The following PCCA variants were observed in gnomAD, a reference collection of about 807,000 sequenced individuals.
The protein encoded by PCCA is propionyl-CoA carboxylase subunit alpha, also known as propionyl-CoA carboxylase alpha chain, mitochondrial.
PCCA carries 74 observed loss-of-function variants against 101.3 expected under a neutral mutation model. That is an observed-to-expected ratio of 0.73 (90% confidence interval 0.61 to 0.89). The LOEUF (loss-of-function observed/expected upper bound fraction) is 0.89. Ranked by LOEUF, PCCA falls within the 40% of genes least tolerant of loss-of-function variation. PCCA has a pLI of 0.00. For missense variants in PCCA, 891 were observed against 907.0 expected, an observed-to-expected ratio of 0.98 and a Z score of 0.23; for synonymous variants, 294 against 313.6, an observed-to-expected ratio of 0.94 and a Z score of 0.66.
intron 19 of PCCA, among the ~76,000 whole-genome samples, chr13:100,374,069 G>A (rs1003803892): frequency 2.0e-5 from 3 of 151,990 alleles, no homozygotes; most frequent in Non-Finnish European, 4.4e-5. Flanking sequence ...CTGAGATCAC[G>A]CCACTGCACT....
intron 19 of PCCA, among the ~76,000 whole-genome samples, chr13:100,372,590 C>T (rs1453503959): frequency 6.6e-6 from 1 of 152,182 alleles, no homozygotes; most frequent in African/African-American, 2.4e-5. Context: ...ATAAATGTTT[C>T]ATGCAAATAT....
intron 21 of PCCA, among the ~76,000 whole-genome samples, chr13:100,475,890 C>A (rs2083383685): frequency 6.6e-6 from 1 of 152,304 alleles, no homozygotes; most frequent in Middle Eastern, 3.4e-3. Context: ...ATTCTGCTTT[C>A]TTCCCTAGAA....
intron 14 of PCCA, among the ~76,000 whole-genome samples, chr13:100,306,181 T>C (rs1374067094): frequency 2.0e-5 from 3 of 152,232 alleles, no homozygotes; most frequent in Non-Finnish European, 4.4e-5. Context: ...TCTGCCTTGC[T>C]GCAGACAGAT....
chr13:100,138,982 C>T (rs543258618), intron 4 of PCCA, among the ~76,000 whole-genome samples: 10 of 150,172 alleles, frequency 6.7e-5, no homozygotes, highest in East Asian at 1.9e-4. Context: ...GTCTTTATTT[C>T]GCCTTCATTC....
intron 8 of PCCA, among the ~76,000 whole-genome samples, chr13:100,239,332 T>C (rs1045030805): frequency 1.3e-5 from 2 of 152,170 alleles, no homozygotes; most frequent in African/African-American, 4.8e-5. Flanking sequence ...GACTTTTTAT[T>C]ATACTGTGTC....
At chr13:100,439,685 A>G (rs2080200352) in intron 20 of PCCA, among the ~76,000 whole-genome samples, 1 of 151,814 alleles carries the variant, frequency 6.6e-6, no homozygotes, top group Non-Finnish European at 1.5e-5. Context: ...TTCATCGTGC[A>G]TAGTCACGTT....
chr13:100,498,680 C>T (rs1392014856), intron 21 of PCCA, among the ~76,000 whole-genome samples: 1 of 152,160 alleles, frequency 6.6e-6, no homozygotes, highest in Non-Finnish European at 1.5e-5. Context: ...CCCAGCAACC[C>T]CTAGCCTACT....
chr13:100,402,013 G>A (rs770109187), intron 19 of PCCA, among the ~76,000 whole-genome samples: 8 of 152,222 alleles, frequency 5.3e-5, no homozygotes, highest in East Asian at 1.9e-4. Flanking sequence ...GGGTGTATAC[G>A]TGTGCGTGGT....
At position 100,468,204 on chromosome 13, in the gene PCCA, G is replaced by A. The variant is rs140502365; in HGVS notation, c.1899+18899G>A. On this transcript the variant is annotated intron_variant, in intron 21 of 23. Transcript: ENST00000376285. Reference sequence around the variant, plus strand: ...AAACCATGCCCTAAACAGATGTGCTGTCATCCAGGCTTTGTTTTTGCGTCC... The same window carrying A: ...AAACCATGCCCTAAACAGATGTGCTATCATCCAGGCTTTGTTTTTGCGTCC... Among the ~76,000 whole-genome samples the A allele has an allele frequency of 4.6e-5, 7 of 152,318 alleles. No individual in the cohort carries two copies. In the East Asian group the frequency reaches 7.7e-4, roughly 17 times the overall value.
chr13:100,101,754 G>A (rs888248434), intron 1 of PCCA, among the ~76,000 whole-genome samples: 1 of 151,924 alleles, frequency 6.6e-6, no homozygotes, highest in East Asian at 1.9e-4. Context: ...GTGCCACCAT[G>A]CCCCGCTAAT....
chr13:100,469,072 G>A (rs938771952), intron 21 of PCCA, among the ~76,000 whole-genome samples: 4 of 151,786 alleles, frequency 2.6e-5, no homozygotes, highest in South Asian at 2.1e-4. Flanking sequence ...CTAGCCGGAC[G>A]TGGTGGCACA....
At chr13:100,089,576 C>A (rs1160560415) in intron 1 of PCCA, among the ~76,000 whole-genome samples, 1 of 152,224 alleles carries the variant, frequency 6.6e-6, no homozygotes, top group Non-Finnish European at 1.5e-5. Flanking sequence ...TTAAGCTTTC[C>A]AGGGTGTCTT....
chr13:100,251,732 A>G (rs952843034), intron 8 of PCCA, among the ~76,000 whole-genome samples: 2 of 152,232 alleles, frequency 1.3e-5, no homozygotes, highest in Non-Finnish European at 2.9e-5. Context: ...TTAAGTAATC[A>G]AGCTTTATCA....
intron 1 of PCCA, among the ~76,000 whole-genome samples, chr13:100,101,627 T>C (rs2047288586): frequency 6.6e-6 from 1 of 152,184 alleles, no homozygotes; most frequent in Non-Finnish European, 1.5e-5. Flanking sequence ...TCTGAGGAGT[T>C]TCGCTCTTGT....
chr13:100,509,010 G>A (rs2086279869), intron 21 of PCCA, among the ~76,000 whole-genome samples: 1 of 152,084 alleles, frequency 6.6e-6, no homozygotes, highest in South Asian at 2.1e-4. Context: ...AGTGAAAGGT[G>A]ACAGCTGTGG....
chr13:100,163,925 A>G (rs778547211), intron 6 of PCCA, among the ~76,000 whole-genome samples: 6 of 152,162 alleles, frequency 3.9e-5, no homozygotes, highest in Non-Finnish European at 8.8e-5. Flanking sequence ...ATCCATCCTA[A>G]CATTTCATAT....
At chr13:100,372,898 C>A (rs1009778461) in intron 19 of PCCA, among the ~76,000 whole-genome samples, 1 of 152,120 alleles carries the variant, frequency 6.6e-6, no homozygotes, top group East Asian at 1.9e-4. Context: ...TGCCACCACA[C>A]TTGGCTAATT....
intron 21 of PCCA, among the ~76,000 whole-genome samples, chr13:100,459,406 A>G (rs927071293): frequency 6.6e-6 from 1 of 152,184 alleles, no homozygotes; most frequent in Non-Finnish European, 1.5e-5. Flanking sequence ...TTTTACAAAC[A>G]GAGCATTACT....
intron 18 of PCCA, among the ~76,000 whole-genome samples, chr13:100,345,222 C>T (rs1039073526): frequency 1.2e-4 from 18 of 152,142 alleles, no homozygotes; most frequent in Non-Finnish European, 1.9e-4. Context: ...TATTCAAAGC[C>T]GAGGCAGGCT....
Sources: gnomAD v4.1 joint callset for allele counts (sites outside exome capture counted in the v4.1 genomes callset) on GRCh38, gnomAD v4.1.1 for gene constraint, MANE v1.5 for transcripts, NCBI Gene and HGNC (gene_info 2026-07-23, HGNC 2026-07-21) for gene names.